The following NRG3 variants were observed in gnomAD, a reference collection of about 807,000 sequenced individuals.
The protein encoded by NRG3 is neuregulin 3, also known as pro-neuregulin-3, membrane-bound isoform.
A neutral mutation model predicts 66.9 loss-of-function variants in NRG3; 31 were observed. The ratio of observed to expected loss-of-function variants is 0.46; its 90% CI spans 0.35 to 0.63. The LOEUF is 0.63. NRG3 is among the 20% of genes least tolerant of loss of function. The pLI, the probability that NRG3 is intolerant of heterozygous loss-of-function variation, is 0.00. For missense variants in NRG3, 910 were observed against 878.9 expected, an observed-to-expected ratio of 1.04 and a Z score of -0.45; for synonymous variants, 393 against 359.4, an observed-to-expected ratio of 1.09 and a Z score of -1.06.
At chr10:82,858,515 T>G (rs1489362317) in intron 3 of NRG3, among the ~76,000 whole-genome samples, 1 of 152,196 alleles carries the variant, frequency 6.6e-6, no homozygotes, top group Non-Finnish European at 1.5e-5. Context: ...CATGATGAGC[T>G]CAGGTGTTAT....
At chr10:82,208,267 G>A (rs2075225686) in intron 1 of NRG3, among the ~76,000 whole-genome samples, 1 of 152,106 alleles carries the variant, frequency 6.6e-6, no homozygotes, top group Non-Finnish European at 1.5e-5. Context: ...AAAATTGGAA[G>A]CCTTTTAAAT....
chr10:82,025,379 T>A (rs913407018), intron 1 of NRG3, among the ~76,000 whole-genome samples: 6 of 151,622 alleles, frequency 4.0e-5, no homozygotes, highest in Non-Finnish European at 8.8e-5. Context: ...TTTAGTTTTT[T>A]AAAAAAGTTT....
chr10:82,041,148 C>G lies in NRG3; in HGVS notation c.823+164985C>G, dbSNP rs2063016307. ...TGACTACAGGCCTTACAAATAGTCT[C>G]CTTCCTAAGTTCTGTGGCTGTTAGA... On this transcript the variant is annotated intron_variant, in intron 1 of 8. Transcript: ENST00000372141. 2.6e-5 allele frequency among the ~76,000 whole-genome samples: 4 copies of G among 152,020 alleles called. No homozygotes were observed. In the South Asian group the frequency reaches 8.3e-4, roughly 32 times the overall value.
intron 2 of NRG3, among the ~76,000 whole-genome samples, chr10:82,409,486 C>T (rs1249760660): frequency 8.3e-6 from 1 of 120,374 alleles, no homozygotes; most frequent in Non-Finnish European, 1.6e-5. Context: ...TCTAATGAGT[C>T]TGAGCTGGGT....
chr10:82,583,044 A>T (rs376028759), intron 2 of NRG3, among the ~76,000 whole-genome samples: 8 of 152,174 alleles, frequency 5.3e-5, no homozygotes, highest in African/African-American at 1.9e-4. Flanking sequence ...CTGCATATCA[A>T]ATTCTGAATT....
chr10:82,085,760 C>T (rs2133456240), intron 1 of NRG3, among the ~76,000 whole-genome samples: 1 of 152,130 alleles, frequency 6.6e-6, no homozygotes, highest in Non-Finnish European at 1.5e-5. Flanking sequence ...CCTCAGCCTC[C>T]CAAGTAACCA....
chr10:81,972,912 A>G (rs1048961678), intron 1 of NRG3, among the ~76,000 whole-genome samples: 1 of 152,214 alleles, frequency 6.6e-6, no homozygotes, highest in Non-Finnish European at 1.5e-5. Flanking sequence ...ATTTAATTTT[A>G]AAAAACAATC....
At chr10:82,445,549 G>A (rs557582459) in intron 2 of NRG3, among the ~76,000 whole-genome samples, 3 of 152,096 alleles carry the variant, frequency 2.0e-5, no homozygotes, top group African/African-American at 7.2e-5. Flanking sequence ...TTCTCCCACT[G>A]TTTCCCTTAG....
chr10:82,436,422 G>A (rs1314261011), intron 2 of NRG3, among the ~76,000 whole-genome samples: 2 of 152,076 alleles, frequency 1.3e-5, no homozygotes, highest in East Asian at 3.9e-4. Flanking sequence ...TTGAGCCTGT[G>A]TGTGCCTTTG....
chr10:82,402,204 T>A (rs1002812261), intron 2 of NRG3, among the ~76,000 whole-genome samples: 3 of 151,992 alleles, frequency 2.0e-5, no homozygotes, highest in African/African-American at 7.2e-5. Flanking sequence ...GTACATTAAT[T>A]AAGAATACTA....
At chr10:82,478,892 A>G (rs879859778) in intron 2 of NRG3, among the ~76,000 whole-genome samples, 1 of 152,226 alleles carries the variant, frequency 6.6e-6, no homozygotes, top group Non-Finnish European at 1.5e-5. Context: ...TTACATTTCA[A>G]TATTCAGACA....
intron 1 of NRG3, among the ~76,000 whole-genome samples, chr10:81,939,139 A>C (rs1211487778): frequency 1.3e-5 from 2 of 151,976 alleles, no homozygotes; most frequent in African/African-American, 4.8e-5. Flanking sequence ...AATCTTTTTA[A>C]TGTGCTGTTG....
chr10:82,705,703 C>G (rs1227508463), intron 2 of NRG3, among the ~76,000 whole-genome samples: 1 of 152,166 alleles, frequency 6.6e-6, no homozygotes, highest in African/African-American at 2.4e-5. Flanking sequence ...CTTTTACCAT[C>G]TACATGAAGG....
At chr10:82,647,066 C>A (rs539544537) in intron 2 of NRG3, among the ~76,000 whole-genome samples, 2 of 150,710 alleles carry the variant, frequency 1.3e-5, no homozygotes, top group South Asian at 4.2e-4. Flanking sequence ...AGGTTAGTTA[C>A]ATATGTATAC....
intron 2 of NRG3, among the ~76,000 whole-genome samples, chr10:82,512,378 T>C (rs1450922399): frequency 6.6e-6 from 1 of 152,050 alleles, no homozygotes; most frequent in Non-Finnish European, 1.5e-5. Context: ...CTCTGCCTCC[T>C]GGGTTCAAGT....
At chr10:82,957,254 CA>C (rs1196658891) in intron 5 of NRG3, among the ~76,000 whole-genome samples, 1 of 151,808 alleles carries the variant, frequency 6.6e-6, no homozygotes, top group Non-Finnish European at 1.5e-5. Context: ...AATGGAGGCT[CA>C]ACAAGTTTAG....
chr10:82,133,155 T>C (rs11813141), intron 1 of NRG3, among the ~76,000 whole-genome samples: 2,610 of 152,148 alleles, frequency 0.017, 81 homozygotes, highest in African/African-American at 0.059. Flanking sequence ...CATTAAGTTG[T>C]TTATTTGAAA....
chr10:81,950,157 C>G (rs1170024816), intron 1 of NRG3, among the ~76,000 whole-genome samples: 2 of 152,162 alleles, frequency 1.3e-5, no homozygotes, highest in Non-Finnish European at 2.9e-5. Flanking sequence ...GGGTTCCACC[C>G]TTTTTATTCA....
chr10:82,512,050 A>G (rs1270245410), intron 2 of NRG3, among the ~76,000 whole-genome samples: 3 of 152,096 alleles, frequency 2.0e-5, no homozygotes, highest in Non-Finnish European at 4.4e-5. Context: ...TGAATATCGA[A>G]GATAATTTTC....
Sources: gnomAD v4.1 joint callset for allele counts (sites outside exome capture counted in the v4.1 genomes callset) on GRCh38, gnomAD v4.1.1 for gene constraint, MANE v1.5 for transcripts, NCBI Gene and HGNC (gene_info 2026-07-23, HGNC 2026-07-21) for gene names.